N4BP1: variants seen among roughly 807,000 people sequenced by gnomAD.
N4BP1 encodes the protein NEDD4 binding protein 1.
Under a neutral mutation model 70.9 loss-of-function variants are expected in N4BP1, and 21 were observed. The observed-to-expected ratio is 0.30, with a 90% CI of 0.21 to 0.43. The LOEUF (loss-of-function observed/expected upper bound fraction) is 0.43, where lower values mean the gene tolerates loss of function less well. N4BP1 is among the 20% of genes least tolerant of loss of function. N4BP1 has a pLI of 1.00. For missense variants in N4BP1, 936 were observed against 1,069.4 expected (o/e 0.88, Z 1.74); for synonymous variants, 387 against 394.6 (o/e 0.98, Z 0.23).
intron 1 of N4BP1, among the ~76,000 whole-genome samples, chr16:48,608,459 G>C (rs1412627104): frequency 6.6e-6 from 1 of 152,110 alleles, no homozygotes; most frequent in African/African-American, 2.4e-5. Flanking sequence ...ACTTGACAAA[G>C]CAGGATGCAA....
intron 6 of N4BP1, among the ~76,000 whole-genome samples, chr16:48,543,565 T>C (rs906427309): frequency 1.3e-5 from 2 of 152,170 alleles, no homozygotes; most frequent in East Asian, 3.9e-4. Context: ...CTAACCAGGG[T>C]ACCCTTGGGA....
At chr16:48,573,674 C>G (rs1430087785) in intron 1 of N4BP1, among the ~76,000 whole-genome samples, 3 of 152,056 alleles carry the variant, frequency 2.0e-5, no homozygotes, top group Admixed American at 6.6e-5. Context: ...ACCGACACTC[C>G]CCCAACACAA....
intron 1 of N4BP1, among the ~76,000 whole-genome samples, chr16:48,568,868 A>C (rs1328412594): frequency 6.6e-6 from 1 of 152,128 alleles, no homozygotes; most frequent in Non-Finnish European, 1.5e-5. Flanking sequence ...TGGGTGTGCA[A>C]ATCTTTGGGT....
chr16:48,562,270 C>G lies in N4BP1; in HGVS notation c.373G>C (p.Glu125Gln). Residue 125 changes from glutamate to glutamine, a missense_variant, in exon 2 of 7, where the codon GAG (glutamate) becomes CAG (glutamine). Physicochemically the swap from Glu to Gln is conservative, Grantham distance 29 (BLOSUM62 2). This residue lies in a region of N4BP1 where 187 missense variants were observed against 217.1 expected (regional missense o/e 0.86). Transcript: ENST00000262384. The stretch of plus-strand genomic sequence containing the variant: ...TGACTCCTAGCCATGACCACAGCCT[C>G]AGCACTTCCTCTGATGCCAAGAAGG... ...IGLLGIRGSA[E>Q]AVVMARSHIQ... The G allele has an allele frequency of 6.2e-7, 1 of 1,613,956 alleles. No individual in the cohort carries two copies. Among genetic ancestry groups the G allele is most frequent in the South Asian group, 1.1e-5 (1 of 91,086 alleles).
intron 1 of N4BP1, among the ~76,000 whole-genome samples, chr16:48,582,373 T>C (rs556553969): frequency 6.6e-6 from 1 of 152,334 alleles, no homozygotes; most frequent in African/African-American, 2.4e-5. Flanking sequence ...CCACGCTGTA[T>C]ATACTACCTG....
At chr16:48,556,674 A>G (rs1963759356) in intron 2 of N4BP1, among the ~76,000 whole-genome samples, 1 of 152,206 alleles carries the variant, frequency 6.6e-6, no homozygotes, top group Non-Finnish European at 1.5e-5. Context: ...GAAAGTGTCC[A>G]AAGTGGAGGA....
chr16:48,588,293 T>C (rs1276052858), intron 1 of N4BP1, among the ~76,000 whole-genome samples: 10 of 135,240 alleles, frequency 7.4e-5, no homozygotes, highest in African/African-American at 2.7e-4. Context: ...TACTATGTTT[T>C]CTTTTTTTTT....
chr16:48,562,930 T>C (rs779953738), intron 1 of N4BP1, among the ~76,000 whole-genome samples: 38 of 152,242 alleles, frequency 2.5e-4, no homozygotes, highest in Non-Finnish European at 4.9e-4. Flanking sequence ...CATTAATTTT[T>C]TTTTTCAAAG....
intron 1 of N4BP1, among the ~76,000 whole-genome samples, chr16:48,579,173 G>A (rs544578633): frequency 6.6e-6 from 1 of 152,228 alleles, no homozygotes; most frequent in East Asian, 1.9e-4. Context: ...GAGAAACCCT[G>A]AACTAATCAA....
chr16:48,543,987 A>G (rs1213983374), intron 6 of N4BP1, among the ~76,000 whole-genome samples: 1 of 152,194 alleles, frequency 6.6e-6, no homozygotes, highest in Non-Finnish European at 1.5e-5. Flanking sequence ...CAGGTTGCTC[A>G]AGGAGCAGGA....
rs766244485 is a variant in N4BP1, at chr16:48,548,097, G to A, written c.2135C>T (p.Ala712Val). 9 of 1,609,768 alleles carry A rather than the reference G, an allele frequency of 5.6e-6. No homozygotes were observed. Among genetic ancestry groups the A allele is most frequent in the Non-Finnish European group, 7.7e-6 (9 of 1,176,196 alleles). ...SHDDRFLLHL[A>V]DKTGGIIVTN... is the part of the protein sequence containing the mutation. ...CACAATTATGCCACCAGTTTTGTCCGCTAAGTGTAGTAGAAACCTATGGTA... is the reference window on the plus strand; with the variant it reads ...CACAATTATGCCACCAGTTTTGTCCACTAAGTGTAGTAGAAACCTATGGTA... Residue 712 changes from alanine (A) to valine (V), a missense_variant, in exon 5 of 7, where the codon GCG (alanine) becomes GTG (valine). Coordinates refer to ENST00000262384, the MANE Select transcript of N4BP1 (RefSeq NM_153029.4).
At chr16:48,591,162 T>G (rs1346684207) in intron 1 of N4BP1, among the ~76,000 whole-genome samples, 1 of 152,194 alleles carries the variant, frequency 6.6e-6, no homozygotes, top group Non-Finnish European at 1.5e-5. Flanking sequence ...GGAAGAGCAA[T>G]AGAACCTGCT....
intron 1 of N4BP1, among the ~76,000 whole-genome samples, chr16:48,569,803 T>C (rs1963990290): frequency 6.6e-6 from 1 of 152,204 alleles, no homozygotes; most frequent in African/African-American, 2.4e-5. Flanking sequence ...CTTATGCTGA[T>C]GAGGAACAGA....
chr16:48,608,473 G>A (rs150124862), intron 1 of N4BP1, among the ~76,000 whole-genome samples: 2 of 152,148 alleles, frequency 1.3e-5, no homozygotes, highest in African/African-American at 2.4e-5. Context: ...GATGCAAAAA[G>A]AGGGCCCTTC....
chr16:48,555,980 T>C (rs566501862), intron 2 of N4BP1, among the ~76,000 whole-genome samples: 1 of 152,268 alleles, frequency 6.6e-6, no homozygotes, highest in South Asian at 2.1e-4. Flanking sequence ...AGGAACTGGA[T>C]AGAGGAGGAG....
At chr16:48,574,399 A>G (rs936399266) in intron 1 of N4BP1, among the ~76,000 whole-genome samples, 2 of 152,240 alleles carry the variant, frequency 1.3e-5, no homozygotes, top group African/African-American at 2.4e-5. Context: ...TCCACAAAAC[A>G]AACATTTTCT....
Position 48,560,799 on chromosome 16 carries a change from G to T in N4BP1, c.1844C>A (p.Thr615Lys), listed in dbSNP as rs200353639. The T allele has an allele frequency of 1.2e-6, 2 of 1,612,876 alleles. No individual in the cohort carries two copies. The highest frequency in any genetic ancestry group is 3.3e-5 in the Admixed American group (2 of 59,770). Reference protein sequence around the residue: ...KLELKNEPGRTDLKHIVIDGS... With the variant: ...KLELKNEPGRKDLKHIVIDGS... ...ATCTATAACAATGTGTTTCAAATCC[G>T]TTCTCCCTGGTTCATTTTTTAATTC... is the stretch of plus-strand genomic sequence containing the variant. The change falls in exon 2 of 7, where the codon ACG becomes AAG. Residue 615 changes from threonine to lysine, a missense_variant. Thr to Lys is a moderately conservative substitution (Grantham distance 78, BLOSUM62 -1). Coordinates refer to ENST00000262384, the MANE Select transcript of N4BP1 (RefSeq NM_153029.4).
At chr16:48,546,758 T>TA (rs1963597028) in intron 5 of N4BP1, among the ~76,000 whole-genome samples, 1 of 152,092 alleles carries the variant, frequency 6.6e-6, no homozygotes, top group Admixed American at 6.5e-5. Context: ...AAACAGAAAA[T>TA]AAAATAATTT....
At chr16:48,550,508 C>CT (rs1379173052) in intron 4 of N4BP1, among the ~76,000 whole-genome samples, 8 of 151,916 alleles carry the variant, frequency 5.3e-5, no homozygotes, top group Admixed American at 5.3e-4. Flanking sequence ...CAGTGAAACT[C>CT]TATCTCAAAA....
Sources: gnomAD v4.1 joint callset for allele counts (sites outside exome capture counted in the v4.1 genomes callset) on GRCh38, gnomAD v4.1.1 for gene constraint, gnomAD v4.1.1 regional missense constraint, MANE v1.5 for transcripts, NCBI Gene and HGNC (gene_info 2026-07-23, HGNC 2026-07-21) for gene names.